Variants in ACACA observed in about 807,000 individuals in gnomAD.
ACACA encodes acetyl-CoA carboxylase 1.
In ACACA, 103 loss-of-function variants were observed where a neutral mutation model predicts 296.1. The observed-to-expected ratio is 0.35, with a 90% confidence interval of 0.30 to 0.41. The LOEUF is 0.41. ACACA is among the 10% of genes least tolerant of loss of function. The pLI, the probability that ACACA is intolerant of heterozygous loss-of-function variation, is 1.00. For synonymous variants in ACACA, 953 were observed against 1,038.6 expected (o/e 0.92, Z 1.58); for missense variants, 1,554 against 2,989.7 (o/e 0.52, Z 11.20).
chr17:37,132,120 C>A (rs1453061268), intron 45 of ACACA, among the ~76,000 whole-genome samples: 1 of 152,238 alleles, frequency 6.6e-6, no homozygotes, highest in East Asian at 1.9e-4. Flanking sequence ...TCCGCCACGG[C>A]CAGTTTACCT....
At chr17:37,210,834 G>T (rs1356964213) in intron 29 of ACACA, among the ~76,000 whole-genome samples, 1 of 150,816 alleles carries the variant, frequency 6.6e-6, no homozygotes, top group Admixed American at 6.6e-5. Context: ...ATATGATATG[G>T]TATATTAACT....
At chr17:37,239,840 G>A (rs753577050) in intron 24 of ACACA, among the ~76,000 whole-genome samples, 1 of 152,222 alleles carries the variant, frequency 6.6e-6, no homozygotes, top group Non-Finnish European at 1.5e-5. Flanking sequence ...GTGAAAAGGA[G>A]CAGATAAAGG....
At chr17:37,335,212 C>A (rs1482959833) in intron 2 of ACACA, among the ~76,000 whole-genome samples, 2 of 152,122 alleles carry the variant, frequency 1.3e-5, no homozygotes, top group African/African-American at 4.8e-5. Context: ...GGTCTCGGCC[C>A]AAAACCCTAC....
chr17:37,202,014 T>C (rs1044686528), intron 33 of ACACA, among the ~76,000 whole-genome samples: 1 of 152,008 alleles, frequency 6.6e-6, no homozygotes, highest in East Asian at 1.9e-4. Flanking sequence ...TAAATTTTGG[T>C]TTAACTGCAT....
chr17:37,117,687 T>C (rs2074322362), intron 50 of ACACA, among the ~76,000 whole-genome samples: 1 of 152,178 alleles, frequency 6.6e-6, no homozygotes, highest in African/African-American at 2.4e-5. Flanking sequence ...TCCGGCCAGA[T>C]AGAGCTCATT....
At chr17:37,286,935 C>T (rs544980106) in intron 3 of ACACA, among the ~76,000 whole-genome samples, 2 of 152,270 alleles carry the variant, frequency 1.3e-5, no homozygotes, top group Admixed American at 1.3e-4. Context: ...TCTGGGGTAC[C>T]TCAGCATGCC....
intron 2 of ACACA, among the ~76,000 whole-genome samples, chr17:37,331,094 C>CTTTT (rs1555648373): frequency 6.8e-6 from 1 of 146,186 alleles, no homozygotes; most frequent in Non-Finnish European, 1.5e-5. Context: ...TTTTATTTTT[C>CTTTT]ATTTATTTAT....
chr17:37,132,853 T>G (rs1481462424), intron 45 of ACACA, among the ~76,000 whole-genome samples: 1 of 152,348 alleles, frequency 6.6e-6, no homozygotes, highest in South Asian at 2.1e-4. Context: ...CCTCTGCCAC[T>G]TATCTATTCT....
intron 30 of ACACA, among the ~76,000 whole-genome samples, chr17:37,209,057 A>G (rs954216789): frequency 6.6e-6 from 1 of 152,240 alleles, no homozygotes; most frequent in South Asian, 2.1e-4. Context: ...CTGACACTCC[A>G]GGTTTTTATT....
intron 26 of ACACA, 61 bp from the exon 27 acceptor site, chr17:37,225,166 T>G (rs2079485803): frequency 2.1e-6 from 2 of 963,794 alleles, no homozygotes; most frequent in African/African-American, 3.2e-5. Flanking sequence ...AGACTCCTAT[T>G]AGGCAGCTCT....
chr17:37,251,325 C>T (rs1406629936), intron 16 of ACACA, among the ~76,000 whole-genome samples: 1 of 152,136 alleles, frequency 6.6e-6, no homozygotes, highest in African/African-American at 2.4e-5. Context: ...GTGAAAGATA[C>T]TTATCATAGG....
chr17:37,223,608 G>T lies in ACACA; in HGVS notation c.3475-7C>A. The T allele has an allele frequency of 6.3e-7, 1 of 1,575,814 alleles. No individual in the cohort carries two copies. The highest frequency in any genetic ancestry group is 8.7e-7 in the Non-Finnish European group (1 of 1,145,272). Reference sequence around the variant, plus strand: ...TTTCTGATAGGATGAGTTTCTAGAAGATACAAAGACAGGCTTAAGCCTTAC... The same window carrying T: ...TTTCTGATAGGATGAGTTTCTAGAATATACAAAGACAGGCTTAAGCCTTAC... On this transcript the variant is annotated splice_region_variant and splice_polypyrimidine_tract_variant and intron_variant, in intron 27 of 55. Transcript: ENST00000616317.
chr17:37,210,389 G>GTT (rs913952824), intron 30 of ACACA, 78 bp downstream of exon 30: 75 of 1,177,050 alleles, frequency 6.4e-5, no homozygotes, highest in African/African-American at 7.8e-5. Flanking sequence ...AAGTGTTGTG[G>GTT]TTTTTTTTTT....
chr17:37,366,525 G>C (rs992730565), intron 1 of ACACA, among the ~76,000 whole-genome samples: 1 of 149,560 alleles, frequency 6.7e-6, no homozygotes, highest in African/African-American at 2.5e-5. Flanking sequence ...CTGGAGTGCA[G>C]TGGCACGATA....
intron 6 of ACACA, among the ~76,000 whole-genome samples, chr17:37,277,453 G>C (rs953966284): frequency 1.3e-5 from 2 of 152,158 alleles, no homozygotes; most frequent in Non-Finnish European, 2.9e-5. Flanking sequence ...CAATTACTAT[G>C]GCCACTCCAT....
intron 22 of ACACA, 90 bp downstream of exon 22, chr17:37,243,281 A>G (rs1442057722): frequency 3.5e-5 from 48 of 1,382,272 alleles, no homozygotes; most frequent in Non-Finnish European, 4.4e-5. Context: ...AACATCCAAA[A>G]AGTAAGGAGG....
chr17:37,157,437 T>C (rs2076293964), intron 42 of ACACA, among the ~76,000 whole-genome samples: 2 of 152,148 alleles, frequency 1.3e-5, no homozygotes, highest in African/African-American at 4.8e-5. Flanking sequence ...ATATGATCTT[T>C]GGCTTTTACT....
chr17:37,268,260 A>C (rs1427222747), intron 10 of ACACA, among the ~76,000 whole-genome samples: 1 of 152,194 alleles, frequency 6.6e-6, no homozygotes, highest in African/African-American at 2.4e-5. Context: ...AAGAAAAATT[A>C]ATAGAAATAA....
intron 46 of ACACA, 63 bp from the exon 47 acceptor site, chr17:37,129,548 C>A: frequency 6.2e-7 from 1 of 1,607,282 alleles, no homozygotes; most frequent in South Asian, 1.1e-5. Flanking sequence ...TCCAACTCAG[C>A]AACAATAGTT....
Sources: allele counts gnomAD v4.1 joint callset (sites outside exome capture counted in the v4.1 genomes callset), GRCh38; gene constraint gnomAD v4.1.1; transcripts MANE v1.5; gene names NCBI Gene and HGNC (gene_info 2026-07-23, HGNC 2026-07-21).